The following ADK variants were observed in gnomAD, a reference collection of about 807,000 sequenced individuals.
The protein encoded by ADK is N6,N6-dimethyladenosine kinase.
In ADK, 24 loss-of-function variants were observed where a neutral mutation model predicts 44.7. The ratio of observed to expected loss-of-function variants is 0.54; its 90% CI spans 0.39 to 0.76. ADK has a LOEUF of 0.76. Among genes scored for constraint, ADK ranks in the 30% least tolerant of loss-of-function variants. The probability of loss-of-function intolerance (pLI) is 0.00; values close to 1 mark genes in which losing one functional copy is unlikely to be tolerated. For missense variants in ADK, 321 were observed against 425.1 expected, an observed-to-expected ratio of 0.76 and a Z score of 2.15; for synonymous variants, 128 against 142.6, an observed-to-expected ratio of 0.90 and a Z score of 0.73.
At chr10:74,241,203 T>C (rs1232359705) in intron 3 of ADK, among the ~76,000 whole-genome samples, 2 of 152,244 alleles carry the variant, frequency 1.3e-5, no homozygotes, top group Non-Finnish European at 2.9e-5. Flanking sequence ...AAACTTTTTC[T>C]TAGTAAAGTT....
At chr10:74,255,798 G>A (rs1292496805) in intron 3 of ADK, among the ~76,000 whole-genome samples, 1 of 152,194 alleles carries the variant, frequency 6.6e-6, no homozygotes, top group Non-Finnish European at 1.5e-5. Flanking sequence ...AGTCAGAACA[G>A]GTATTCTTCA....
chr10:74,216,465 C>G (rs960487775), intron 2 of ADK, among the ~76,000 whole-genome samples: 15 of 152,158 alleles, frequency 9.9e-5, no homozygotes, highest in African/African-American at 2.9e-4. Context: ...TGGCTCGCAC[C>G]TGTAATCCTA....
intron 9 of ADK, chr10:74,655,706 G>T: frequency 2.1e-6 from 1 of 480,782 alleles, no homozygotes; most frequent in East Asian, 5.4e-5. Flanking sequence ...AGCTGCCCAG[G>T]GAGCTGAGCC....
chr10:74,649,444 A>G (rs988990711), intron 9 of ADK, among the ~76,000 whole-genome samples: 6 of 151,952 alleles, frequency 3.9e-5, no homozygotes, highest in South Asian at 2.1e-4. Context: ...TCTGTAACAT[A>G]GGGAGACCCT....
At chr10:74,325,691 G>C (rs147900331) in intron 4 of ADK, among the ~76,000 whole-genome samples, 2 of 152,124 alleles carry the variant, frequency 1.3e-5, no homozygotes, top group Admixed American at 1.3e-4. Flanking sequence ...TAACATGAAA[G>C]AATGTTGAAT....
chr10:74,629,370 C>A (rs1454113040), intron 9 of ADK, among the ~76,000 whole-genome samples: 1 of 152,136 alleles, frequency 6.6e-6, no homozygotes, highest in Non-Finnish European at 1.5e-5. Flanking sequence ...GTTACCCCAA[C>A]TGTATAAGTA....
chr10:74,397,824 G>A (rs938211669), intron 5 of ADK, among the ~76,000 whole-genome samples: 6 of 152,168 alleles, frequency 3.9e-5, no homozygotes, highest in Admixed American at 6.5e-5. Flanking sequence ...TCAGCTTTGA[G>A]CTACTGCACC....
chr10:74,666,526 C>T (rs753032478), intron 9 of ADK, among the ~76,000 whole-genome samples: 13 of 152,078 alleles, frequency 8.5e-5, no homozygotes, highest in South Asian at 2.1e-4. Context: ...ATAAATGCTA[C>T]GAATAATCTT....
intron 10 of ADK, among the ~76,000 whole-genome samples, chr10:74,698,593 T>C (rs1856290145): frequency 6.6e-6 from 1 of 152,166 alleles, no homozygotes; most frequent in South Asian, 2.1e-4. Flanking sequence ...TCACTCTCTC[T>C]CCCATTCTGG....
At chr10:74,467,793 C>G (rs1024712465) in intron 6 of ADK, among the ~76,000 whole-genome samples, 2 of 151,736 alleles carry the variant, frequency 1.3e-5, no homozygotes, top group African/African-American at 4.8e-5. Context: ...CTTTTTATGC[C>G]TTGGAATCAC....
chr10:74,273,061 G>C (rs1846500220), intron 3 of ADK, among the ~76,000 whole-genome samples: 1 of 152,128 alleles, frequency 6.6e-6, no homozygotes, highest in South Asian at 2.1e-4. Context: ...GTTTGAGTGT[G>C]GTGGATATGG....
At chr10:74,204,807 G>T (rs1564591541) in intron 2 of ADK, among the ~76,000 whole-genome samples, 1 of 151,966 alleles carries the variant, frequency 6.6e-6, no homozygotes, top group African/African-American at 2.4e-5. Flanking sequence ...ACTTTTGGAG[G>T]CTGAGGCAGG....
At chr10:74,180,363 G>C (rs909138432) in intron 1 of ADK, among the ~76,000 whole-genome samples, 4 of 144,166 alleles carry the variant, frequency 2.8e-5, no homozygotes, top group Admixed American at 6.9e-5. Context: ...TCAGCCTCCC[G>C]AGTAGCTGGG....
chr10:74,586,220 A>G (rs991379626), intron 7 of ADK, among the ~76,000 whole-genome samples: 1 of 152,180 alleles, frequency 6.6e-6, no homozygotes, highest in Non-Finnish European at 1.5e-5. Context: ...TGCCTTCTCT[A>G]ATGGAGTGAC....
Position 74,708,481 on chromosome 10 carries a change from C to T in ADK, c.*36C>T. ...GAAAACACAAGCCCAGGAGTGCAGA[C>T]ACTGCCCTAATTGCTTCCTGAGAAT... is the stretch of plus-strand genomic sequence containing the variant. On this transcript the variant is annotated 3_prime_UTR_variant, in exon 11 of 11. Transcript: ENST00000539909. 3.1e-6 allele frequency: 5 copies of T among 1,604,200 alleles called. No homozygotes were observed. Among genetic ancestry groups the T allele is most frequent in the Non-Finnish European group, 4.2e-6 (5 of 1,176,670 alleles).
intron 4 of ADK, among the ~76,000 whole-genome samples, chr10:74,345,836 G>C (rs1325521820): frequency 3.3e-5 from 5 of 152,150 alleles, no homozygotes; most frequent in African/African-American, 4.8e-5. Flanking sequence ...TGGCTTTTGA[G>C]AAAAACATTT....
At chr10:74,602,315 T>C (rs1852169197) in intron 9 of ADK, among the ~76,000 whole-genome samples, 1 of 152,176 alleles carries the variant, frequency 6.6e-6, no homozygotes, top group Admixed American at 6.5e-5. Flanking sequence ...ATAAGGATTA[T>C]TCCTGTCTTA....
At chr10:74,415,977 C>T (rs1844353944) in intron 6 of ADK, among the ~76,000 whole-genome samples, 1 of 151,254 alleles carries the variant, frequency 6.6e-6, no homozygotes, top group African/African-American at 2.4e-5. Context: ...TAAGCTTTTG[C>T]TCATATATAT....
chr10:74,407,031 G>A (rs1286948932), intron 6 of ADK, among the ~76,000 whole-genome samples: 1 of 149,278 alleles, frequency 6.7e-6, no homozygotes, highest in Non-Finnish European at 1.5e-5. Context: ...CGCCCAAGCT[G>A]GAGTGCAGTG....
Sources: allele counts gnomAD v4.1 joint callset (sites outside exome capture counted in the v4.1 genomes callset), GRCh38; gene constraint gnomAD v4.1.1; transcripts MANE v1.5; gene names NCBI Gene and HGNC (gene_info 2026-07-23, HGNC 2026-07-21).